The following ACOXL variants were observed in gnomAD, a reference collection of about 807,000 sequenced individuals.
ACOXL encodes acyl-CoA oxidase like, also known as acyl-coenzyme A oxidase-like protein.
ACOXL carries 70 observed loss-of-function variants against 71.9 expected under a neutral mutation model. The ratio of observed to expected loss-of-function variants is 0.97; its 90% CI spans 0.80 to 1.19. The LOEUF (loss-of-function observed/expected upper bound fraction) is 1.19. Ranked by LOEUF, ACOXL falls within the 50% of genes most tolerant of loss-of-function variation. The pLI, the probability that ACOXL is intolerant of heterozygous loss-of-function variation, is 0.00. For missense variants in ACOXL, 703 were observed against 736.3 expected (o/e 0.95, Z 0.52); for synonymous variants, 253 against 281.6 (o/e 0.90, Z 1.02).
chr2:110,781,718 G>A (rs1683363388), intron 2 of ACOXL, among the ~76,000 whole-genome samples: 1 of 152,058 alleles, frequency 6.6e-6, no homozygotes, highest in Non-Finnish European at 1.5e-5. Context: ...TTGGAGGGAA[G>A]GTCAGGGCTG....
At chr2:111,096,224 A>AATTATTATTATTATTATTATT (rs67800488) in intron 17 of ACOXL, among the ~76,000 whole-genome samples, 2 of 145,266 alleles carry the variant, frequency 1.4e-5, no homozygotes, top group African/African-American at 5.1e-5. Context: ...TTATTTTTAA[A>AATTATTATTATTATTATTATT]ATTATTATTA....
intron 2 of ACOXL, among the ~76,000 whole-genome samples, chr2:110,781,184 G>A (rs1205705722): frequency 6.6e-6 from 1 of 152,166 alleles, no homozygotes; most frequent in Non-Finnish European, 1.5e-5. Flanking sequence ...TAACTCATGC[G>A]CTTAAGCTCT....
chr2:110,920,790 A>G (rs933337286), intron 11 of ACOXL, among the ~76,000 whole-genome samples: 8 of 152,156 alleles, frequency 5.3e-5, no homozygotes, highest in Non-Finnish European at 8.8e-5. Flanking sequence ...TAGTCTGCCT[A>G]TTAATATTGA....
intron 9 of ACOXL, among the ~76,000 whole-genome samples, chr2:110,829,201 G>A (rs571691722): frequency 9.2e-5 from 14 of 152,154 alleles, no homozygotes; most frequent in African/African-American, 1.9e-4. Context: ...TCGTTGTTTC[G>A]TGACTTTTCT....
chr2:110,760,398 C>A (rs1680247215), intron 1 of ACOXL, among the ~76,000 whole-genome samples: 1 of 152,204 alleles, frequency 6.6e-6, no homozygotes, highest in Admixed American at 6.5e-5. Flanking sequence ...CCCGCCTCAG[C>A]CTCCCAAAGT....
At chr2:111,030,453 C>T (rs1262286278) in intron 14 of ACOXL, among the ~76,000 whole-genome samples, 5 of 152,156 alleles carry the variant, frequency 3.3e-5, no homozygotes, top group African/African-American at 1.2e-4. Context: ...CCGAGGCACC[C>T]ATGACATTGT....
chr2:110,976,304 G>A (rs1437078255), intron 12 of ACOXL, among the ~76,000 whole-genome samples: 1 of 152,296 alleles, frequency 6.6e-6, no homozygotes, highest in South Asian at 2.1e-4. Flanking sequence ...TGGGGTGGGG[G>A]AATTCTGTAT....
At chr2:110,814,691 A>T (rs569822454) in intron 9 of ACOXL, among the ~76,000 whole-genome samples, 3 of 152,362 alleles carry the variant, frequency 2.0e-5, no homozygotes, top group South Asian at 4.1e-4. Context: ...AGTATTGTTC[A>T]CTGTAGAACT....
chr2:110,979,107 C>T (rs1387034666), intron 12 of ACOXL, among the ~76,000 whole-genome samples: 1 of 150,356 alleles, frequency 6.7e-6, no homozygotes, highest in Non-Finnish European at 1.5e-5. Context: ...CAACAGCCGG[C>T]CCTGCGCTAG....
chr2:110,959,545 C>T (rs1384463280), intron 12 of ACOXL, among the ~76,000 whole-genome samples: 1 of 152,144 alleles, frequency 6.6e-6, no homozygotes, highest in African/African-American at 2.4e-5. Flanking sequence ...TCCCTCCCAC[C>T]TGGGCTATTT....
chr2:110,953,235 G>A (rs1250798607), intron 12 of ACOXL, among the ~76,000 whole-genome samples: 1 of 151,972 alleles, frequency 6.6e-6, no homozygotes, highest in Non-Finnish European at 1.5e-5. Flanking sequence ...TTCAAATCCA[G>A]GCTGTTTGAC....
chr2:110,752,421 C>G (rs1320238077), intron 1 of ACOXL, among the ~76,000 whole-genome samples: 1 of 151,620 alleles, frequency 6.6e-6, no homozygotes, highest in African/African-American at 2.4e-5. Flanking sequence ...GAGTTCAAGA[C>G]AAGCCTGGGC....
intron 17 of ACOXL, among the ~76,000 whole-genome samples, chr2:111,112,780 C>T (rs2070082144): frequency 6.6e-6 from 1 of 152,208 alleles, no homozygotes. Flanking sequence ...GGCCTGTTGA[C>T]CAGTGTGGAA....
At chr2:110,935,347 C>T (rs1017866312) in intron 12 of ACOXL, among the ~76,000 whole-genome samples, 1 of 152,264 alleles carries the variant, frequency 6.6e-6, no homozygotes, top group South Asian at 2.1e-4. Context: ...CATAGCCTCC[C>T]TGCACAGAGA....
chr2:111,068,238 A>G (rs1416901628), intron 16 of ACOXL, among the ~76,000 whole-genome samples: 1 of 152,208 alleles, frequency 6.6e-6, no homozygotes, highest in Non-Finnish European at 1.5e-5. Flanking sequence ...CATGTGCAGC[A>G]GTCATTAGGT....
At chr2:110,964,367 A>G (rs1342277304) in intron 12 of ACOXL, among the ~76,000 whole-genome samples, 9 of 152,218 alleles carry the variant, frequency 5.9e-5, no homozygotes, top group Non-Finnish European at 5.9e-5. Flanking sequence ...CTCAGTGGGG[A>G]ATTATATGGC....
intron 16 of ACOXL, among the ~76,000 whole-genome samples, chr2:111,049,801 C>T (rs138430368): frequency 6.6e-6 from 1 of 150,860 alleles, no homozygotes; most frequent in African/African-American, 2.4e-5. Context: ...CCCCCCAACC[C>T]CCCGCCCCAA....
chr2:110,926,533 G>T (rs541875239), intron 11 of ACOXL, among the ~76,000 whole-genome samples: 3 of 152,252 alleles, frequency 2.0e-5, no homozygotes, highest in Admixed American at 2.0e-4. Flanking sequence ...CTGACATGCT[G>T]TGCGTCAGTT....
At chr2:110,908,562 A>G (rs991549134) in intron 10 of ACOXL, among the ~76,000 whole-genome samples, 1 of 152,366 alleles carries the variant, frequency 6.6e-6, no homozygotes, top group East Asian at 1.9e-4. Flanking sequence ...TGCTTTAAAA[A>G]TGTTCCACGC....
Sources: gnomAD v4.1 joint callset for allele counts (sites outside exome capture counted in the v4.1 genomes callset) on GRCh38, gnomAD v4.1.1 for gene constraint, MANE v1.5 for transcripts, NCBI Gene and HGNC (gene_info 2026-07-23, HGNC 2026-07-21) for gene names.